Variants in ATP10A observed in about 807,000 individuals in gnomAD.
ATP10A encodes the protein ATPase phospholipid transporting 10A (putative), also known as phospholipid-transporting ATPase VA.
In ATP10A, 111 loss-of-function variants were observed where a neutral mutation model predicts 147.8. The observed-to-expected ratio is 0.75, with a 90% CI of 0.64 to 0.88. The LOEUF is 0.88. Among genes scored for constraint, ATP10A ranks in the 40% least tolerant of loss-of-function variants. The probability of loss-of-function intolerance (pLI) is 0.00; values close to 1 mark genes in which losing one functional copy is unlikely to be tolerated. For missense variants in ATP10A, 1,927 were observed against 1,959.0 expected, an observed-to-expected ratio of 0.98 and a Z score of 0.31; for synonymous variants, 875 against 841.6, an observed-to-expected ratio of 1.04 and a Z score of -0.69.
At chr15:25,740,829 T>C (rs989854692) in intron 2 of ATP10A, among the ~76,000 whole-genome samples, 1 of 152,174 alleles carries the variant, frequency 6.6e-6, no homozygotes, top group African/African-American at 2.4e-5. Flanking sequence ...CCCTACAGAA[T>C]GCAATCCTCA....
At chr15:25,795,751 C>T (rs1238577334) in intron 1 of ATP10A, among the ~76,000 whole-genome samples, 1 of 152,106 alleles carries the variant, frequency 6.6e-6, no homozygotes, top group Non-Finnish European at 1.5e-5. Context: ...GGATGTTTGT[C>T]CCCTCCAGAC....
At position 25,713,943 on chromosome 15, in the gene ATP10A, C is replaced by T. The variant is rs919474695; in HGVS notation, c.2075G>A (p.Arg692Gln). ...AQEQESEREL[R>Q]YEAESPDEAA... ...CTCATCCGGGCTCTCCGCCTCGTAC[C>T]GCAGCTCGCGCTCTGACTCCTGCTC... The change falls in exon 10 of 21, where the codon CGG becomes CAG. Residue 692 changes from arginine to glutamine, a missense_variant. By Grantham distance (43) the Arg-to-Gln change is conservative (BLOSUM62 1). Transcript: ENST00000555815. 4.3e-6 allele frequency: 7 copies of T among 1,610,960 alleles called. No individual in the cohort carries two copies. The highest frequency in any genetic ancestry group is 1.7e-5 in the Admixed American group (1 of 60,006).
In ATP10A at chr15:25,714,004, T is replaced by G; in HGVS notation, c.2014A>C (p.Ser672Arg). 6.2e-7 allele frequency: 1 copy of G among 1,610,274 alleles called. No individual in the cohort carries two copies. Among genetic ancestry groups the G allele is most frequent in the Non-Finnish European group, 8.5e-7 (1 of 1,179,900 alleles). Residue 672 changes from serine (S) to arginine (R), a missense_variant, in exon 10 of 21, where the codon AGC becomes CGC. Transcript: ENST00000555815. ...TSAIASNGYS[S>R]QADNWASELA... is the part of the protein sequence containing the mutation. ...TCCGAGGCCCAGTTGTCCGCCTGGC[T>G]GCTGTAGCCGTTGCTGGCGATGGCC...
At chr15:25,700,217 A>G (rs1171140994) in intron 13 of ATP10A, among the ~76,000 whole-genome samples, 1 of 152,244 alleles carries the variant, frequency 6.6e-6, no homozygotes, top group East Asian at 1.9e-4. Flanking sequence ...GCTAGCAGAA[A>G]AAAAATCAAT....
intron 8 of ATP10A, among the ~76,000 whole-genome samples, chr15:25,717,909 T>C (rs939608125): frequency 5.8e-4 from 88 of 152,148 alleles, no homozygotes; most frequent in African/African-American, 2.0e-3. Flanking sequence ...TTTGCTTCAT[T>C]TGGCAGCACG....
intron 1 of ATP10A, among the ~76,000 whole-genome samples, chr15:25,803,462 C>T (rs904698757): frequency 1.3e-5 from 2 of 152,192 alleles, no homozygotes; most frequent in Admixed American, 6.5e-5. Flanking sequence ...TAGGACAACT[C>T]GCCCTCTACC....
At chr15:25,809,952 A>G (rs567932141) in intron 1 of ATP10A, among the ~76,000 whole-genome samples, 2 of 151,952 alleles carry the variant, frequency 1.3e-5, no homozygotes, top group African/African-American at 2.4e-5. Flanking sequence ...GAGAGCTACA[A>G]GCACTTCCAG....
Position 25,732,558 on chromosome 15 carries a change from C to CTTTTTTTTTTTTT in ATP10A, c.740+3485_740+3497dup, listed in dbSNP as rs36120691. ...GTGAGCATTTCACATGCGACACCTT[C>CTTTTTTTTTTTTT]TTTTTTTTTTTTTTTGAGATGGAGT... On this transcript the variant is annotated intron_variant, in intron 3 of 20. Transcript: ENST00000555815. Among the ~76,000 whole-genome samples the CTTTTTTTTTTTTT allele has an allele frequency of 5.5e-3, 466 of 84,122 alleles. 29 individuals carry two copies. The highest frequency in any genetic ancestry group is 0.016 in the Middle Eastern group (1 of 62). 55.2% of individuals were successfully genotyped at this position (84,122 alleles called of 152,430 possible).
chr15:25,786,925 G>A (rs554253767), intron 1 of ATP10A, among the ~76,000 whole-genome samples: 107 of 151,470 alleles, frequency 7.1e-4, no homozygotes, highest in African/African-American at 2.4e-3. Flanking sequence ...GTGAGCCACC[G>A]TGCCTGGCCC....
intron 1 of ATP10A, among the ~76,000 whole-genome samples, chr15:25,824,887 G>T (rs1353691672): frequency 6.6e-6 from 1 of 152,082 alleles, no homozygotes; most frequent in Non-Finnish European, 1.5e-5. Context: ...TAGGCCAGGT[G>T]CTGTGGTTCA....
At chr15:25,732,669 C>T (rs1485647516) in intron 3 of ATP10A, among the ~76,000 whole-genome samples, 2 of 146,248 alleles carry the variant, frequency 1.4e-5, no homozygotes, top group African/African-American at 2.5e-5. Context: ...CATTCTCCTG[C>T]CTCAGCCACC....
intron 1 of ATP10A, among the ~76,000 whole-genome samples, chr15:25,798,779 C>T (rs990565867): frequency 4.6e-5 from 7 of 152,162 alleles, no homozygotes; most frequent in African/African-American, 7.2e-5. Flanking sequence ...GGGGCAAAAC[C>T]GATTCTGTGA....
At chr15:25,777,092 C>CCTGCATGTGT (rs1307153179) in intron 2 of ATP10A, among the ~76,000 whole-genome samples, 3,284 of 92,090 alleles carry the variant, frequency 0.036, 86 homozygotes, top group African/African-American at 0.095. Context: ...TGTGTGCATA[C>CCTGCATGTGT]GTGCGTGTGT....
At chr15:25,850,628 T>TCTCCCTCC (rs1481768638) in intron 1 of ATP10A, among the ~76,000 whole-genome samples, 1 of 145,970 alleles carries the variant, frequency 6.9e-6, no homozygotes, top group East Asian at 2.0e-4. Flanking sequence ...GCTGCTCCAT[T>TCTCCCTCC]CTCCCTCCCT....
chr15:25,775,260 C>A (rs1202874659), intron 2 of ATP10A, among the ~76,000 whole-genome samples: 1 of 152,178 alleles, frequency 6.6e-6, no homozygotes, highest in African/African-American at 2.4e-5. Flanking sequence ...GTGTAGGTAG[C>A]AGTTTTTTAA....
At position 25,738,224 on chromosome 15, in the gene ATP10A, T is replaced by C. The variant is rs538695147; in HGVS notation, c.655-2083A>G. Among the ~76,000 whole-genome samples the C allele has an allele frequency of 3.3e-5, 5 of 152,288 alleles. No individual in the cohort carries two copies. In the South Asian group the frequency reaches 1.0e-3, roughly 32 times the overall value. ...CCCCTGACTCATTCCAAACCAGCTT[T>C]GAGGTCATGCCCAAGTTATCCATCA... On this transcript the variant is annotated intron_variant, in intron 2 of 20. Coordinates refer to ENST00000555815, the MANE Select transcript of ATP10A (RefSeq NM_024490.4).
chr15:25,832,183 A>G (rs143238008), intron 1 of ATP10A, among the ~76,000 whole-genome samples: 236 of 152,338 alleles, frequency 1.5e-3, no homozygotes, highest in African/African-American at 5.2e-3. Flanking sequence ...GAAGAGGCAA[A>G]GAAGGATTTT....
At chr15:25,686,182 C>T (rs914630976) in intron 16 of ATP10A, among the ~76,000 whole-genome samples, 6 of 152,036 alleles carry the variant, frequency 3.9e-5, no homozygotes, top group African/African-American at 1.2e-4. Context: ...TGCTAGAAGA[C>T]GCTCCGAAAA....
intron 1 of ATP10A, among the ~76,000 whole-genome samples, chr15:25,807,479 A>G (rs1277552588): frequency 6.6e-6 from 1 of 152,238 alleles, no homozygotes; most frequent in Non-Finnish European, 1.5e-5. Context: ...ATTTTAAATG[A>G]AGTTGTCATT....
Sources: allele counts gnomAD v4.1 joint callset (sites outside exome capture counted in the v4.1 genomes callset), GRCh38; gene constraint gnomAD v4.1.1; transcripts MANE v1.5; gene names NCBI Gene and HGNC (gene_info 2026-07-23, HGNC 2026-07-21).